Variants in PSME4 observed in about 807,000 individuals in gnomAD.
PSME4 encodes the protein proteasome activator complex subunit 4.
A neutral mutation model predicts 253.9 loss-of-function variants in PSME4; 89 were observed. The ratio of observed to expected loss-of-function variants is 0.35; its 90% CI spans 0.30 to 0.42. The LOEUF is 0.42. Among genes scored for constraint, PSME4 ranks in the 10% least tolerant of loss-of-function variants. The probability of loss-of-function intolerance (pLI) is 1.00; values close to 1 mark genes in which losing one functional copy is unlikely to be tolerated. For synonymous variants in PSME4, 851 were observed against 759.2 expected (o/e 1.12, Z -1.99); for missense variants, 2,014 against 2,195.2 (o/e 0.92, Z 1.65).
chr2:53,948,184 T>A (rs1669812606), intron 3 of PSME4, among the ~76,000 whole-genome samples: 1 of 152,146 alleles, frequency 6.6e-6, no homozygotes, highest in African/African-American at 2.4e-5. Flanking sequence ...AAACCAAAAA[T>A]TAGCTATCAA....
At chr2:53,935,711 T>C (rs552145945) in intron 7 of PSME4, among the ~76,000 whole-genome samples, 5 of 152,196 alleles carry the variant, frequency 3.3e-5, no homozygotes, top group Admixed American at 1.3e-4. Flanking sequence ...AACACATTTA[T>C]GATACCTTAA....
chr2:53,896,329 C>T (rs899346148), intron 32 of PSME4, among the ~76,000 whole-genome samples: 2 of 152,142 alleles, frequency 1.3e-5, no homozygotes, highest in African/African-American at 4.8e-5. Flanking sequence ...GGACTATAAT[C>T]CAATCCAGGA....
intron 36 of PSME4, among the ~76,000 whole-genome samples, chr2:53,890,940 T>G (rs765705553): frequency 1.3e-5 from 2 of 152,118 alleles, no homozygotes; most frequent in African/African-American, 4.8e-5. Flanking sequence ...GGCAGGAGAA[T>G]TGCTTGAACC....
chr2:53,902,996 G>A (rs1680483723), intron 27 of PSME4, among the ~76,000 whole-genome samples: 1 of 152,052 alleles, frequency 6.6e-6, no homozygotes, highest in Non-Finnish European at 1.5e-5. Flanking sequence ...ACCTCTCCCT[G>A]CCTTCTGTGA....
chr2:53,927,323 C>G lies in PSME4; in HGVS notation c.1593+71G>C, dbSNP rs1040664791. 25 of 1,111,856 alleles carry G rather than the reference C, an allele frequency of 2.2e-5. No homozygotes were observed. In the East Asian group the frequency reaches 5.7e-4, roughly 25 times the overall value. 68.9% of individuals were successfully genotyped at this position (1,111,856 alleles called of 1,614,324 possible). A position where few individuals can be genotyped will look rare whatever the true frequency, so the allele number is the denominator to read the frequency against. On this transcript the variant is annotated intron_variant, in intron 12 of 46. Transcript: ENST00000404125. The stretch of plus-strand genomic sequence containing the variant: ...ACTTCCAAAGTCGTTTCTAAACTGT[C>G]AAGTGTTACTATGCATATGCAATAA...
chr2:53,970,192 A>C (rs1383097093), intron 1 of PSME4, among the ~76,000 whole-genome samples: 1 of 152,168 alleles, frequency 6.6e-6, no homozygotes, highest in Non-Finnish European at 1.5e-5. Context: ...TCCCATGCGC[A>C]AAAGTCCACG....
Position 53,932,683 on chromosome 2 carries a change from A to G in PSME4, c.1035T>C (p.Asn345=). The stretch of plus-strand genomic sequence containing the variant: ...AGTTACTCACCAGCCAGCGCCCATT[A>G]TTTGAAGGATGGTAAAAAGATGTGA... The part of the protein sequence containing the change: ...NSITSFYHPS[N]NGRWLNKLMK... The change falls in exon 9 of 47, where the codon AAT becomes AAC. Residue 345 remains asparagine, a synonymous_variant. Coordinates refer to ENST00000404125, the MANE Select transcript of PSME4 (RefSeq NM_014614.3). 6.2e-7 allele frequency: 1 copy of G among 1,613,022 alleles called. No individual in the cohort carries two copies. Among genetic ancestry groups the G allele is most frequent in the Non-Finnish European group, 8.5e-7 (1 of 1,178,956 alleles).
intron 17 of PSME4, among the ~76,000 whole-genome samples, chr2:53,921,505 A>G (rs1333089008): frequency 6.8e-5 from 10 of 147,502 alleles, no homozygotes; most frequent in African/African-American, 2.2e-4. Context: ...TCGGCCTCCC[A>G]AAGTGCTGGG....
intron 27 of PSME4, among the ~76,000 whole-genome samples, chr2:53,903,047 T>C (rs1201848953): frequency 6.6e-6 from 1 of 152,176 alleles, no homozygotes; most frequent in Admixed American, 6.5e-5. Flanking sequence ...CTCTCCAGGG[T>C]CACTCAGCTC....
At chr2:53,931,587 T>C (rs1254207239) in intron 10 of PSME4, among the ~76,000 whole-genome samples, 8 of 152,244 alleles carry the variant, frequency 5.3e-5, no homozygotes. Context: ...CATAAGCATA[T>C]AATTTTGGTA....
At chr2:53,896,376 C>A (rs544224330) in intron 32 of PSME4, among the ~76,000 whole-genome samples, 34 of 152,176 alleles carry the variant, frequency 2.2e-4, no homozygotes, top group Middle Eastern at 3.4e-3. Flanking sequence ...AGATACCATA[C>A]AATTTAAATG....
chr2:53,895,506 C>A, intron 33 of PSME4, 77 bp downstream of exon 33: 1 of 1,424,616 alleles, frequency 7.0e-7, no homozygotes, highest in Non-Finnish European at 9.5e-7. Flanking sequence ...TGCCTCTGAA[C>A]CTCCCCAGAA....
At chr2:53,880,270 A>G (rs1364371924) in intron 41 of PSME4, among the ~76,000 whole-genome samples, 1 of 152,142 alleles carries the variant, frequency 6.6e-6, no homozygotes, top group Non-Finnish European at 1.5e-5. Flanking sequence ...AGCCTGGGCC[A>G]CTACAAGTGA....
intron 20 of PSME4, among the ~76,000 whole-genome samples, chr2:53,912,207 G>A (rs556806022): frequency 1.3e-5 from 2 of 152,112 alleles, no homozygotes; most frequent in South Asian, 4.2e-4. Flanking sequence ...CTACACATAT[G>A]GAGGGCTGAC....
chr2:53,957,138 C>T (rs1384905161), intron 1 of PSME4, among the ~76,000 whole-genome samples: 1 of 152,162 alleles, frequency 6.6e-6, no homozygotes, highest in African/African-American at 2.4e-5. Context: ...GGATAAACAA[C>T]ATTTCATGAG....
chr2:53,905,364 C>A (rs1228550390), intron 26 of PSME4, among the ~76,000 whole-genome samples: 1 of 150,978 alleles, frequency 6.6e-6, no homozygotes, highest in Admixed American at 6.6e-5. Context: ...TAGAGGGAAT[C>A]TCTGAGCTAG....
At chr2:53,865,929 G>T in intron 46 of PSME4, 156 bp downstream of exon 46, 1 of 779,272 alleles carries the variant, frequency 1.3e-6, no homozygotes, top group Non-Finnish European at 1.9e-6. Flanking sequence ...CATTTCCAAT[G>T]GCCGTAGCAA....
rs1225482409 is a variant in PSME4, at chr2:53,970,952, C to G, written c.-168G>C. On this transcript the variant is annotated 5_prime_UTR_variant, in exon 1 of 47. Transcript: ENST00000404125. ...TCCCTGGCCGGCGTGCTGCTGGGCC[C>G]CACGCGGCTCTCAGTTCGTTGGCGG... 2 of 529,742 alleles carry G rather than the reference C, an allele frequency of 3.8e-6. No homozygotes were observed. Among genetic ancestry groups the G allele is most frequent in the Non-Finnish European group, 6.2e-6 (2 of 321,536 alleles). The allele number at this position is 529,742 out of a possible 1,614,324, so 32.8% of individuals were successfully genotyped here.
Position 53,887,843 on chromosome 2 carries a change from G to A in PSME4, c.4520+15C>T, listed in dbSNP as rs765489544. On this transcript the variant is annotated intron_variant, in intron 39 of 46. Coordinates refer to ENST00000404125, the MANE Select transcript of PSME4 (RefSeq NM_014614.3). ...AAGAACTCGAGAGGTACACCACAGA[G>A]AAAACAGTACCTACCTTCCTATTCT... 6.3e-7 allele frequency: 1 copy of A among 1,577,230 alleles called. No homozygotes were observed. The highest frequency in any genetic ancestry group is 2.2e-5 in the East Asian group (1 of 44,528).
Sources: gnomAD v4.1 joint callset for allele counts (sites outside exome capture counted in the v4.1 genomes callset) on GRCh38, gnomAD v4.1.1 for gene constraint, MANE v1.5 for transcripts, NCBI Gene and HGNC (gene_info 2026-07-23, HGNC 2026-07-21) for gene names.